The following ST6GALNAC3 variants were observed in gnomAD, a reference collection of about 807,000 sequenced individuals.
The protein encoded by ST6GALNAC3 is alpha-N-acetylgalactosaminide alpha-2,6-sialyltransferase 3.
ST6GALNAC3 carries 25 observed loss-of-function variants against 32.7 expected under a neutral mutation model. That is an observed-to-expected ratio of 0.76 (90% CI 0.56 to 1.07). The LOEUF is 1.07. Among genes scored for constraint, ST6GALNAC3 ranks in the 50% least tolerant of loss-of-function variants. The pLI is 0.00. For synonymous variants in ST6GALNAC3, 129 were observed against 133.1 expected (o/e 0.97, Z 0.21); for missense variants, 355 against 382.4 (o/e 0.93, Z 0.60).
intron 3 of ST6GALNAC3, among the ~76,000 whole-genome samples, chr1:76,601,229 G>C (rs1294298569): frequency 6.6e-6 from 1 of 151,900 alleles, no homozygotes; most frequent in Non-Finnish European, 1.5e-5. Flanking sequence ...AGGAAGAAAG[G>C]AAGGAAAGTA....
At chr1:76,322,629 GTTC>G (rs1334020216) in intron 2 of ST6GALNAC3, among the ~76,000 whole-genome samples, 1 of 152,118 alleles carries the variant, frequency 6.6e-6, no homozygotes, top group Non-Finnish European at 1.5e-5. Context: ...CAAATTGTGA[GTTC>G]TTATTTTTCA....
intron 1 of ST6GALNAC3, among the ~76,000 whole-genome samples, chr1:76,182,362 T>C (rs1467922777): frequency 2.0e-5 from 3 of 152,234 alleles, no homozygotes; most frequent in Non-Finnish European, 4.4e-5. Context: ...TAGTCTTTTC[T>C]GTAGCATGAA....
intron 3 of ST6GALNAC3, among the ~76,000 whole-genome samples, chr1:76,558,045 C>T (rs1665030548): frequency 6.6e-6 from 1 of 151,868 alleles, no homozygotes; most frequent in African/African-American, 2.4e-5. Flanking sequence ...AATGAGACAC[C>T]CCCTCACAAA....
At chr1:76,193,262 T>C (rs12048024) in intron 1 of ST6GALNAC3, among the ~76,000 whole-genome samples, 82,077 of 151,946 alleles carry the variant, frequency 0.54, 23,944 homozygotes, top group East Asian at 0.88. Flanking sequence ...CCAGTCTACA[T>C]TGGGGACCCC....
intron 3 of ST6GALNAC3, among the ~76,000 whole-genome samples, chr1:76,418,526 T>C (rs1340834175): frequency 6.6e-6 from 1 of 152,058 alleles, no homozygotes; most frequent in Non-Finnish European, 1.5e-5. Context: ...TATTCCTAAC[T>C]CAGAATAAAT....
chr1:76,436,981 G>A (rs538144265), intron 3 of ST6GALNAC3, among the ~76,000 whole-genome samples: 11 of 152,166 alleles, frequency 7.2e-5, no homozygotes, highest in Non-Finnish European at 1.6e-4. Context: ...TCTGGAAAGT[G>A]GACTGTTACT....
intron 2 of ST6GALNAC3, among the ~76,000 whole-genome samples, chr1:76,365,790 T>A (rs34386885): frequency 0.099 from 15,111 of 152,274 alleles, 975 homozygotes; most frequent in African/African-American, 0.18. Context: ...TCATTTACCC[T>A]GTCTCTAATT....
At chr1:76,551,809 A>G (rs1664650992) in intron 3 of ST6GALNAC3, among the ~76,000 whole-genome samples, 1 of 151,824 alleles carries the variant, frequency 6.6e-6, no homozygotes, top group Admixed American at 6.6e-5. Context: ...TCATTAACCA[A>G]CCTCTCTTCA....
chr1:76,304,588 G>C (rs896871188), intron 1 of ST6GALNAC3, among the ~76,000 whole-genome samples: 2 of 152,074 alleles, frequency 1.3e-5, no homozygotes, highest in African/African-American at 4.8e-5. Context: ...GAGAAGTCCA[G>C]CTTGAAACAT....
At chr1:76,156,983 G>A (rs1040739077) in intron 1 of ST6GALNAC3, among the ~76,000 whole-genome samples, 1 of 152,302 alleles carries the variant, frequency 6.6e-6, no homozygotes, top group Admixed American at 6.5e-5. Context: ...TGCCCGCCTT[G>A]GCCTCCCAAA....
chr1:76,143,863 T>C (rs1447096531), intron 1 of ST6GALNAC3, among the ~76,000 whole-genome samples: 8 of 152,104 alleles, frequency 5.3e-5, no homozygotes, highest in Admixed American at 5.2e-4. Context: ...CTTGGAGTTA[T>C]GGGGAACAGT....
chr1:76,504,951 A>AT (rs1571445904), intron 3 of ST6GALNAC3, among the ~76,000 whole-genome samples: 1 of 152,160 alleles, frequency 6.6e-6, no homozygotes, highest in East Asian at 1.9e-4. Context: ...TTTCTCTCTC[A>AT]TACGGTAATT....
chr1:76,110,405 C>T (rs1026074642), intron 1 of ST6GALNAC3, among the ~76,000 whole-genome samples: 4 of 152,240 alleles, frequency 2.6e-5, no homozygotes, highest in Admixed American at 2.0e-4. Flanking sequence ...CAAACCTGCA[C>T]AGTTTGTGCT....
At chr1:76,453,062 C>T (rs367696135) in intron 3 of ST6GALNAC3, among the ~76,000 whole-genome samples, 64 of 152,144 alleles carry the variant, frequency 4.2e-4, no homozygotes, top group East Asian at 1.2e-3. Flanking sequence ...CTAGTTTATG[C>T]GCATAGAAAT....
At chr1:76,388,748 G>GT (rs987472364) in intron 2 of ST6GALNAC3, among the ~76,000 whole-genome samples, 6 of 152,080 alleles carry the variant, frequency 3.9e-5, no homozygotes, top group Admixed American at 3.3e-4. Flanking sequence ...CATTCTGAAT[G>GT]TTTTTTCTGC....
intron 1 of ST6GALNAC3, among the ~76,000 whole-genome samples, chr1:76,199,584 G>C (rs930557018): frequency 1.3e-5 from 2 of 152,156 alleles, no homozygotes; most frequent in Admixed American, 1.3e-4. Flanking sequence ...ACTGACCTTT[G>C]AAGGTAGTAA....
At chr1:76,346,509 C>G (rs888121252) in intron 2 of ST6GALNAC3, among the ~76,000 whole-genome samples, 1 of 152,236 alleles carries the variant, frequency 6.6e-6, no homozygotes, top group African/African-American at 2.4e-5. Context: ...GCAGATATAA[C>G]TGCGTAAAGC....
intron 1 of ST6GALNAC3, among the ~76,000 whole-genome samples, chr1:76,265,304 G>C (rs538282272): frequency 6.6e-6 from 1 of 152,252 alleles, no homozygotes; most frequent in East Asian, 1.9e-4. Flanking sequence ...ATTGTTACAT[G>C]GGGTGGTGAT....
chr1:76,233,604 G>A (rs950949758), intron 1 of ST6GALNAC3, among the ~76,000 whole-genome samples: 9 of 152,204 alleles, frequency 5.9e-5, no homozygotes, highest in African/African-American at 1.9e-4. Context: ...TTGATTAGTA[G>A]TGCCAGTGTA....
Sources: gnomAD v4.1 joint callset for allele counts (sites outside exome capture counted in the v4.1 genomes callset) on GRCh38, gnomAD v4.1.1 for gene constraint, MANE v1.5 for transcripts, NCBI Gene and HGNC (gene_info 2026-07-23, HGNC 2026-07-21) for gene names.